The following IFTAP variants were observed in gnomAD, a reference collection of about 807,000 sequenced individuals.
IFTAP encodes the protein intraflagellar transport associated protein.
In IFTAP, 19 loss-of-function variants were observed where a neutral mutation model predicts 19.4. That is an observed-to-expected ratio of 0.98 (90% CI 0.68 to 1.44). The LOEUF (loss-of-function observed/expected upper bound fraction) is 1.44, where lower values mean the gene tolerates loss of function less well. Among genes scored for constraint, IFTAP ranks in the 40% most tolerant of loss-of-function variants. IFTAP has a pLI of 0.00. For missense variants in IFTAP, 240 were observed against 253.6 expected, an observed-to-expected ratio of 0.95 and a Z score of 0.36; for synonymous variants, 85 against 83.5, an observed-to-expected ratio of 1.02 and a Z score of -0.10.
At chr11:36,616,306 A>T (rs942908133) in intron 2 of IFTAP, among the ~76,000 whole-genome samples, 3 of 151,816 alleles carry the variant, frequency 2.0e-5, no homozygotes, top group African/African-American at 7.3e-5. Context: ...TTTGATATGT[A>T]ATTTCATTCT....
At chr11:36,602,404 G>A (rs1851540710) in intron 1 of IFTAP, among the ~76,000 whole-genome samples, 2 of 152,158 alleles carry the variant, frequency 1.3e-5, no homozygotes, top group African/African-American at 4.8e-5. Context: ...GAGAGAAGGG[G>A]ACAACTTTAA....
chr11:36,623,698 T>G (rs900026630), intron 2 of IFTAP, among the ~76,000 whole-genome samples: 4 of 152,174 alleles, frequency 2.6e-5, no homozygotes, highest in African/African-American at 9.7e-5. Flanking sequence ...TGTTTTGCCA[T>G]TAGCAAGTAC....
At chr11:36,621,594 G>T (rs1388249393) in intron 2 of IFTAP, among the ~76,000 whole-genome samples, 2 of 151,954 alleles carry the variant, frequency 1.3e-5, no homozygotes, top group Non-Finnish European at 2.9e-5. Context: ...GAAGATTGGG[G>T]TTGTAGGGAG....
At position 36,622,069 on chromosome 11, in the gene IFTAP, T is replaced by C. The variant is rs117464586; in HGVS notation, c.137-11215T>C. Among the ~76,000 whole-genome samples the C allele has an allele frequency of 2.3e-4, 34 of 150,982 alleles. 1 individual carries two copies. In the East Asian group the frequency reaches 5.6e-3, roughly 25 times the overall value. ...AGACTTTTTCCTTCTTATTTTACTT[T>C]AAGCTCTTGTTCTATTTTTTATTTT... On this transcript the variant is annotated intron_variant, in intron 2 of 5. Coordinates refer to ENST00000334307, the MANE Select transcript of IFTAP (RefSeq NM_138787.4).
At chr11:36,607,238 CCATCAT>C (rs915379905) in intron 1 of IFTAP, among the ~76,000 whole-genome samples, 1 of 152,048 alleles carries the variant, frequency 6.6e-6, no homozygotes, top group East Asian at 1.9e-4. Flanking sequence ...TAAGACTGAT[CCATCAT>C]CATCATCATC....
At chr11:36,602,667 A>G (rs749576498) in intron 1 of IFTAP, among the ~76,000 whole-genome samples, 3 of 152,172 alleles carry the variant, frequency 2.0e-5, no homozygotes, top group Non-Finnish European at 4.4e-5. Flanking sequence ...GATATAGTTG[A>G]TAGCATTTCT....
At chr11:36,647,500 A>G (rs980755301) in intron 4 of IFTAP, among the ~76,000 whole-genome samples, 32 of 152,272 alleles carry the variant, frequency 2.1e-4, no homozygotes, top group African/African-American at 7.5e-4. Flanking sequence ...AAATTAGACC[A>G]TGCATTCTGA....
chr11:36,632,674 A>G (rs1277399258), intron 2 of IFTAP, among the ~76,000 whole-genome samples: 1 of 151,288 alleles, frequency 6.6e-6, no homozygotes, highest in Non-Finnish European at 1.5e-5. Flanking sequence ...TAAATAAACT[A>G]TCTTACATTT....
chr11:36,628,170 A>G (rs1030970403), intron 2 of IFTAP, among the ~76,000 whole-genome samples: 1 of 150,604 alleles, frequency 6.6e-6, no homozygotes, highest in Admixed American at 6.6e-5. Flanking sequence ...TCTAATTGTG[A>G]CTCCCCAGGA....
At chr11:36,598,115 G>T (rs1166354410) in intron 1 of IFTAP, 1 of 151,928 alleles carries the variant, frequency 6.6e-6, no homozygotes, top group Non-Finnish European at 1.5e-5. Context: ...AAGGCCAGAG[G>T]GGCTGCTCAC....
intron 1 of IFTAP, among the ~76,000 whole-genome samples, chr11:36,596,782 T>C (rs1851282764): frequency 6.6e-6 from 1 of 152,216 alleles, no homozygotes; most frequent in African/African-American, 2.4e-5. Flanking sequence ...ACAGTTGTTT[T>C]AAAGCAATGT....
At chr11:36,631,960 C>CT (rs540281148) in intron 2 of IFTAP, among the ~76,000 whole-genome samples, 7 of 151,142 alleles carry the variant, frequency 4.6e-5, no homozygotes, top group South Asian at 4.1e-4. Flanking sequence ...CTTTCTGCTC[C>CT]TTTTTTCTTC....
chr11:36,631,873 G>A (rs759746575), intron 2 of IFTAP, among the ~76,000 whole-genome samples: 1 of 151,172 alleles, frequency 6.6e-6, no homozygotes. Context: ...GTTTTGGAAT[G>A]TACCCTGCAC....
At chr11:36,607,755 C>A (rs1185478413) in intron 1 of IFTAP, among the ~76,000 whole-genome samples, 1 of 152,106 alleles carries the variant, frequency 6.6e-6, no homozygotes, top group African/African-American at 2.4e-5. Flanking sequence ...CTCATCGCAA[C>A]CTCTGCCTCC....
intron 1 of IFTAP, among the ~76,000 whole-genome samples, chr11:36,601,081 T>G (rs1401911868): frequency 1.3e-5 from 2 of 152,206 alleles, no homozygotes; most frequent in African/African-American, 4.8e-5. Context: ...TCTCAAGCGT[T>G]TCCATCCCCA....
intron 1 of IFTAP, among the ~76,000 whole-genome samples, chr11:36,600,717 T>C (rs1478406547): frequency 6.6e-6 from 1 of 152,216 alleles, no homozygotes; most frequent in Non-Finnish European, 1.5e-5. Context: ...TTCTTCGAAG[T>C]TCATTAAGAA....
At chr11:36,649,461 G>C (rs2133521447) in intron 5 of IFTAP, among the ~76,000 whole-genome samples, 1 of 152,122 alleles carries the variant, frequency 6.6e-6, no homozygotes, top group South Asian at 2.1e-4. Context: ...TCATGCTGTT[G>C]ACTTCACTTG....
intron 2 of IFTAP, 56 bp downstream of exon 2, chr11:36,610,295 G>A (rs1223202206): frequency 4.7e-6 from 7 of 1,481,772 alleles, no homozygotes; most frequent in Admixed American, 2.1e-5. Flanking sequence ...TTTATTATAA[G>A]TGTATGTTTT....
chr11:36,627,530 G>A (rs141268637), intron 2 of IFTAP, among the ~76,000 whole-genome samples: 1 of 151,372 alleles, frequency 6.6e-6, no homozygotes, highest in Non-Finnish European at 1.5e-5. Flanking sequence ...GCATAGACTT[G>A]TAAGTTTAAC....
Sources: allele counts gnomAD v4.1 joint callset (sites outside exome capture counted in the v4.1 genomes callset), GRCh38; gene constraint gnomAD v4.1.1; transcripts MANE v1.5; gene names NCBI Gene and HGNC (gene_info 2026-07-23, HGNC 2026-07-21).